The following EYS variants were observed in gnomAD, a reference collection of about 807,000 sequenced individuals.
The protein encoded by EYS is protein eyes shut homolog.
A neutral mutation model predicts 282.1 loss-of-function variants in EYS; 250 were observed. The observed-to-expected ratio is 0.89, with a 90% CI of 0.80 to 0.98. The LOEUF is 0.98. Ranked by LOEUF, EYS falls within the 50% of genes least tolerant of loss-of-function variation. The probability of loss-of-function intolerance (pLI) is 0.00; values close to 1 mark genes in which losing one functional copy is unlikely to be tolerated. For missense variants in EYS, 4,016 were observed against 3,709.0 expected, an observed-to-expected ratio of 1.08 and a Z score of -2.15; for synonymous variants, 1,355 against 1,282.9, an observed-to-expected ratio of 1.06 and a Z score of -1.20.
intron 29 of EYS, among the ~76,000 whole-genome samples, chr6:64,327,044 G>C (rs750478699): frequency 6.6e-6 from 1 of 152,126 alleles, no homozygotes; most frequent in Non-Finnish European, 1.5e-5. Context: ...ACCGTTTCAG[G>C]GACGGAGGAG....
At chr6:64,930,435 C>T (rs1462328013) in intron 15 of EYS, among the ~76,000 whole-genome samples, 4 of 132,976 alleles carry the variant, frequency 3.0e-5, no homozygotes, top group African/African-American at 1.1e-4. Context: ...TATATTAGCA[C>T]TTAGGACTTC....
chr6:64,402,689 A>C (rs1426526537), intron 28 of EYS, among the ~76,000 whole-genome samples: 1 of 152,240 alleles, frequency 6.6e-6, no homozygotes, highest in Non-Finnish European at 1.5e-5. Flanking sequence ...AGATTAGCTA[A>C]AAATTTTGAA....
intron 28 of EYS, among the ~76,000 whole-genome samples, chr6:64,396,167 T>G (rs993331398): frequency 6.6e-6 from 1 of 152,058 alleles, no homozygotes; most frequent in Non-Finnish European, 1.5e-5. Context: ...TTGAATAGTT[T>G]ATTTATTTTC....
intron 2 of EYS, among the ~76,000 whole-genome samples, chr6:65,556,997 A>G (rs1768836689): frequency 6.6e-6 from 1 of 152,254 alleles, no homozygotes; most frequent in Admixed American, 6.5e-5. Flanking sequence ...TGGTTTCAGT[A>G]TATTAAGAAC....
intron 18 of EYS, among the ~76,000 whole-genome samples, chr6:64,897,287 T>C (rs1320410116): frequency 2.6e-5 from 4 of 152,098 alleles, no homozygotes; most frequent in African/African-American, 9.7e-5. Flanking sequence ...TTCTGCAGCC[T>C]CCACTGGTGA....
chr6:64,359,654 G>A (rs923646040), intron 29 of EYS, among the ~76,000 whole-genome samples: 3 of 151,628 alleles, frequency 2.0e-5, no homozygotes, highest in Non-Finnish European at 4.4e-5. Flanking sequence ...CAGTGAATTC[G>A]GTTTCTGGTA....
At chr6:64,031,122 G>A (rs1248200378) in intron 33 of EYS, among the ~76,000 whole-genome samples, 3 of 152,264 alleles carry the variant, frequency 2.0e-5, no homozygotes, top group African/African-American at 7.2e-5. Context: ...GGCCAAGGCC[G>A]GAGCTGGCTC....
At position 64,997,616 on chromosome 6, in the gene EYS, C is replaced by G; in HGVS notation, c.2225G>C (p.Cys742Ser). ...QDIDDCILNA[C>S]EHNSTCKDLH... ...GTCTTTGCAGGTAGAATTGTGCTCA[C>G]AGGCATTCAGGATGCAGTCATCAAT... The change falls in exon 14 of 43, where the codon TGT becomes TCT. Residue 742 changes from cysteine (C) to serine (S), a missense_variant. Physicochemically the swap from Cys to Ser is moderately radical, Grantham distance 112 (BLOSUM62 -1). Coordinates refer to ENST00000503581, the MANE Select transcript of EYS (RefSeq NM_001142800.2). 1 of 1,551,246 alleles carries G rather than the reference C, an allele frequency of 6.4e-7. No homozygotes were observed. Among genetic ancestry groups the G allele is most frequent in the East Asian group, 2.4e-5 (1 of 40,848 alleles).
intron 20 of EYS, among the ~76,000 whole-genome samples, 179 bp downstream of exon 20, chr6:64,822,472 T>C (rs561654773): frequency 7.2e-5 from 11 of 152,140 alleles, no homozygotes; most frequent in South Asian, 6.2e-4. Context: ...GCAGAGATAA[T>C]GTATCAGTAC....
chr6:65,370,256 C>CT (rs35707502), intron 8 of EYS, among the ~76,000 whole-genome samples: 37,442 of 127,062 alleles, frequency 0.29, 6,378 homozygotes, highest in African/African-American at 0.41. Flanking sequence ...CTTTCTCTCT[C>CT]TTTTTTTTTT....
At chr6:65,226,632 T>C (rs1261146095) in intron 12 of EYS, among the ~76,000 whole-genome samples, 1 of 152,128 alleles carries the variant, frequency 6.6e-6, no homozygotes, top group East Asian at 1.9e-4. Flanking sequence ...ACAAGTATCA[T>C]TGAGGCTGTG....
chr6:64,275,489 A>T lies in EYS; in HGVS notation c.6191+31481T>A, dbSNP rs138567043. 9.9e-4 allele frequency among the ~76,000 whole-genome samples: 140 copies of T among 140,924 alleles called. 1 individual carries two copies. The highest frequency in any genetic ancestry group is 4.2e-3 in the South Asian group (19 of 4,534). The allele number at this position is 140,924 out of a possible 152,430, so 92.5% of individuals were successfully genotyped here. ...TCTTGAGACGGAGTCTCGCTCTGTC[A>T]CCCAGGCAGTGGTGTGATCCGGGTT... On this transcript the variant is annotated intron_variant, in intron 30 of 42. Transcript: ENST00000503581.
At chr6:64,407,406 C>A (rs890703216) in intron 28 of EYS, among the ~76,000 whole-genome samples, 2 of 151,930 alleles carry the variant, frequency 1.3e-5, no homozygotes, top group African/African-American at 4.8e-5. Context: ...ATGTAACAAA[C>A]CTGCACATTC....
intron 19 of EYS, among the ~76,000 whole-genome samples, chr6:64,854,759 T>C (rs552110404): frequency 1.8e-4 from 28 of 152,022 alleles, no homozygotes; most frequent in African/African-American, 4.6e-4. Context: ...AAAAAGAAAT[T>C]GTATTTCTCT....
intron 26 of EYS, among the ~76,000 whole-genome samples, chr6:64,558,389 A>G (rs553516044): frequency 6.6e-6 from 1 of 152,234 alleles, no homozygotes; most frequent in Admixed American, 6.5e-5. Context: ...ATCTAGAGCA[A>G]AAGGTCAGTT....
At chr6:65,590,358 C>T (rs1384356260) in intron 2 of EYS, among the ~76,000 whole-genome samples, 1 of 151,992 alleles carries the variant, frequency 6.6e-6, no homozygotes, top group African/African-American at 2.4e-5. Context: ...TTTTAACTGA[C>T]ACGTAATATT....
chr6:64,697,190 A>G (rs1268085934), intron 22 of EYS, among the ~76,000 whole-genome samples: 3 of 152,196 alleles, frequency 2.0e-5, no homozygotes, highest in Non-Finnish European at 4.4e-5. Flanking sequence ...CAGTATTTAT[A>G]AATTGAAGGT....
intron 31 of EYS, among the ~76,000 whole-genome samples, chr6:64,230,336 G>T (rs1490403081): frequency 6.6e-6 from 1 of 152,094 alleles, no homozygotes; most frequent in Non-Finnish European, 1.5e-5. Flanking sequence ...CACTATGTTT[G>T]AATTTTAACT....
chr6:64,890,138 G>A (rs1323549248), intron 18 of EYS, among the ~76,000 whole-genome samples: 2 of 151,258 alleles, frequency 1.3e-5, no homozygotes, highest in African/African-American at 4.9e-5. Flanking sequence ...GGCTTATTAG[G>A]AAGAGGAAAT....
Sources: allele counts gnomAD v4.1 joint callset (sites outside exome capture counted in the v4.1 genomes callset), GRCh38; gene constraint gnomAD v4.1.1; transcripts MANE v1.5; gene names NCBI Gene and HGNC (gene_info 2026-07-23, HGNC 2026-07-21).